Variants in NYAP2 observed in about 807,000 individuals in gnomAD.
The protein encoded by NYAP2 is neuronal tyrosine-phosphorylated phosphoinositide-3-kinase adaptor 2, also known as neuronal tyrosine-phosphorylated phosphoinositide-3-kinase adapter 2.
NYAP2 carries 23 observed loss-of-function variants against 50.4 expected under a neutral mutation model. That is an observed-to-expected ratio of 0.46 (90% confidence interval 0.33 to 0.65). NYAP2 has a LOEUF of 0.65. Ranked by LOEUF, NYAP2 falls within the 30% of genes least tolerant of loss-of-function variation. The probability of loss-of-function intolerance (pLI) is 0.02; values close to 1 mark genes in which losing one functional copy is unlikely to be tolerated. For missense variants in NYAP2, 885 were observed against 861.0 expected (o/e 1.03, Z -0.35); for synonymous variants, 394 against 365.2 (o/e 1.08, Z -0.90).
intron 4 of NYAP2, among the ~76,000 whole-genome samples, chr2:225,531,895 CA>C (rs1193839477): frequency 2.0e-5 from 3 of 152,198 alleles, no homozygotes; most frequent in Non-Finnish European, 2.9e-5. Flanking sequence ...GATTGGTACA[CA>C]AACTAATTAT....
chr2:225,701,940 A>C, the NYAP2 span: 1 of 151,822 alleles, frequency 6.6e-6, no homozygotes, highest in Non-Finnish European at 1.5e-5. Flanking sequence ...CTACGTCAAT[A>C]AAACTAAAGC....
chr2:225,407,900 A>G (rs1294203982), intron 2 of NYAP2, among the ~76,000 whole-genome samples: 1 of 151,820 alleles, frequency 6.6e-6, no homozygotes, highest in Non-Finnish European at 1.5e-5. Context: ...TGACATTACT[A>G]TTGCTGCCAG....
chr2:225,617,134 T>C (rs2106251083), intron 5 of NYAP2, among the ~76,000 whole-genome samples: 1 of 152,292 alleles, frequency 6.6e-6, no homozygotes, highest in African/African-American at 2.4e-5. Context: ...TGTGAGATTG[T>C]GACATTTCAA....
chr2:225,400,878 A>G lies in NYAP2; in HGVS notation c.-183A>G, dbSNP rs1694848592. The stretch of plus-strand genomic sequence containing the variant: ...TCGACACTTTTCCCATCCAGACACA[A>G]TGCACTTTAATTGAAGAAACACTGA... On this transcript the variant is annotated 5_prime_UTR_variant, in exon 2 of 7. It removes an upstream start codon present in the reference 5' UTR. Coordinates refer to ENST00000636099, the Ensembl canonical transcript of NYAP2. 2 of 152,514 alleles carry G rather than the reference A, an allele frequency of 1.3e-5. No individual in the cohort carries two copies. Among genetic ancestry groups the G allele is most frequent in the Non-Finnish European group, 2.9e-5 (2 of 67,996 alleles). The allele number at this position is 152,514 out of a possible 1,614,324, so 9.4% of individuals were successfully genotyped here. A position where few individuals can be genotyped will look rare whatever the true frequency, so the allele number is the denominator to read the frequency against.
At chr2:225,402,607 C>T (rs1024023717) in intron 2 of NYAP2, among the ~76,000 whole-genome samples, 2 of 152,006 alleles carry the variant, frequency 1.3e-5, no homozygotes, top group Non-Finnish European at 2.9e-5. Context: ...CTATCTTACT[C>T]ATTTTGGGAA....
intron 3 of NYAP2, among the ~76,000 whole-genome samples, chr2:225,459,705 G>A (rs764483302): frequency 1.3e-5 from 2 of 151,812 alleles, no homozygotes; most frequent in South Asian, 2.1e-4. Flanking sequence ...GTGCAGTGAC[G>A]TGATCTCAGC....
At chr2:225,516,287 C>A (rs1690934066) in intron 4 of NYAP2, among the ~76,000 whole-genome samples, 1 of 152,154 alleles carries the variant, frequency 6.6e-6, no homozygotes, top group South Asian at 2.1e-4. Context: ...CAGAATGCAG[C>A]AGTTCAACAA....
At chr2:225,517,812 C>A (rs1431908632) in intron 4 of NYAP2, among the ~76,000 whole-genome samples, 4 of 152,070 alleles carry the variant, frequency 2.6e-5, no homozygotes, top group Non-Finnish European at 4.4e-5. Context: ...AATTTCACAC[C>A]TAGCTATTGC....
At chr2:225,649,774 G>A (rs986245863) in intron 6 of NYAP2, among the ~76,000 whole-genome samples, 1 of 152,162 alleles carries the variant, frequency 6.6e-6, no homozygotes, top group African/African-American at 2.4e-5. Flanking sequence ...CTGGCACATA[G>A]TAGGCATAAA....
chr2:225,546,696 G>T (rs910958316), intron 4 of NYAP2, among the ~76,000 whole-genome samples: 1 of 152,050 alleles, frequency 6.6e-6, no homozygotes, highest in Non-Finnish European at 1.5e-5. Context: ...TGGCCAAGCT[G>T]GCACCTAAAA....
chr2:225,487,288 C>T (rs1345877653), intron 3 of NYAP2, among the ~76,000 whole-genome samples: 1 of 152,174 alleles, frequency 6.6e-6, no homozygotes, highest in African/African-American at 2.4e-5. Context: ...CCCATGATGG[C>T]CCTCACAGCT....
At chr2:225,615,734 C>T (rs1692976717) in intron 5 of NYAP2, among the ~76,000 whole-genome samples, 1 of 152,070 alleles carries the variant, frequency 6.6e-6, no homozygotes, top group Non-Finnish European at 1.5e-5. Context: ...GATTCTGGAG[C>T]TGATTGGAGC....
the NYAP2 span, among the ~76,000 whole-genome samples, chr2:225,665,850 G>C: frequency 1.0e-5 from 1 of 98,824 alleles, no homozygotes; most frequent in Non-Finnish European, 2.0e-5. Context: ...CCACCACCCA[G>C]ATAGACAGGA....
At chr2:225,684,200 CATTTTG>C in the NYAP2 span, among the ~76,000 whole-genome samples, 1 of 152,120 alleles carries the variant, frequency 6.6e-6, no homozygotes, top group East Asian at 1.9e-4. Context: ...AGTACTTCCT[CATTTTG>C]ATAGAATCAA....
chr2:225,568,059 T>C (rs934528358), intron 4 of NYAP2, among the ~76,000 whole-genome samples: 26 of 152,192 alleles, frequency 1.7e-4, no homozygotes, highest in African/African-American at 6.0e-4. Context: ...GGTCTTGCTA[T>C]ATTAAGCTTT....
At position 225,513,222 on chromosome 2, in the gene NYAP2, T is replaced by G. The variant is rs551483329; in HGVS notation, c.222-149T>G. On this transcript the variant is annotated intron_variant, in intron 3 of 6. Coordinates refer to ENST00000636099, the Ensembl canonical transcript of NYAP2. ...TAACACAAAAGTTAGAATGCTTTCA[T>G]GCTACTTGAGTTTGTTTTAAAAGGC... 11 of 704,150 alleles carry G rather than the reference T, an allele frequency of 1.6e-5. No homozygotes were observed. In the African/African-American group the frequency reaches 1.6e-4, roughly 10 times the overall value. The allele number at this position is 704,150 out of a possible 1,614,324, so 43.6% of individuals were successfully genotyped here. A position where few individuals can be genotyped will look rare whatever the true frequency, so the allele number is the denominator to read the frequency against.
intron 3 of NYAP2, among the ~76,000 whole-genome samples, chr2:225,512,429 C>T (rs530815730): frequency 6.6e-6 from 1 of 152,196 alleles, no homozygotes; most frequent in South Asian, 2.1e-4. Context: ...GAGTGGTTGG[C>T]AATACCTTCA....
At chr2:225,642,884 T>A (rs13424677) in intron 6 of NYAP2, among the ~76,000 whole-genome samples, 24,288 of 152,152 alleles carry the variant, frequency 0.16, 2,244 homozygotes, top group South Asian at 0.28. Flanking sequence ...GTATGGGTGT[T>A]TAAAAACTAT....
At chr2:225,482,211 A>G (rs1690218283) in intron 3 of NYAP2, among the ~76,000 whole-genome samples, 1 of 152,148 alleles carries the variant, frequency 6.6e-6, no homozygotes, top group South Asian at 2.1e-4. Context: ...GCTCCATTAA[A>G]GTTTTTTCAT....
Sources: allele counts gnomAD v4.1 joint callset (sites outside exome capture counted in the v4.1 genomes callset), GRCh38; gene constraint gnomAD v4.1.1; transcripts MANE v1.5; gene names NCBI Gene and HGNC (gene_info 2026-07-23, HGNC 2026-07-21).